SBNO1: variants seen among roughly 807,000 people sequenced by gnomAD.
SBNO1 encodes protein strawberry notch homolog 1.
A neutral mutation model predicts 173.6 loss-of-function variants in SBNO1; 23 were observed. The observed-to-expected ratio is 0.13, with a 90% CI of 0.10 to 0.19. SBNO1 has a LOEUF of 0.19. Ranked by LOEUF, SBNO1 falls within the 10% of genes least tolerant of loss-of-function variation. The probability of loss-of-function intolerance (pLI) is 1.00; values close to 1 mark genes in which losing one functional copy is unlikely to be tolerated. For synonymous variants in SBNO1, 632 were observed against 571.5 expected (o/e 1.11, Z -1.51); for missense variants, 1,238 against 1,671.2 (o/e 0.74, Z 4.52).
intron 7 of SBNO1, among the ~76,000 whole-genome samples, chr12:123,332,552 A>G (rs1871343020): frequency 6.7e-6 from 1 of 149,388 alleles, no homozygotes; most frequent in Non-Finnish European, 1.5e-5. Flanking sequence ...TCAGCCTCCC[A>G]AAGTGCCCGG....
intron 3 of SBNO1, 88 bp downstream of exon 3, chr12:123,347,934 TGAGACTA>T: frequency 1.5e-6 from 1 of 655,822 alleles, no homozygotes; most frequent in Non-Finnish European, 2.7e-6. Context: ...CTCAAAGTGC[TGAGACTA>T]CAGGTGCGAA....
At chr12:123,307,309 G>T (rs1437583599) in intron 28 of SBNO1, among the ~76,000 whole-genome samples, 1 of 151,978 alleles carries the variant, frequency 6.6e-6, no homozygotes, top group African/African-American at 2.4e-5. Context: ...ATCTAGCTTG[G>T]CACTCCTAAA....
Position 123,364,158 on chromosome 12 carries a change from G to C in SBNO1, c.-1+543C>G, listed in dbSNP as rs1044574546. On this transcript the variant is annotated intron_variant, in intron 1 of 31. Transcript: ENST00000602398. ...CCCCGCGGCTTCCCCACCGCCCCAAGAGCGGGGCATGTACGAGACCGCGCT... is the reference window on the plus strand; with the variant it reads ...CCCCGCGGCTTCCCCACCGCCCCAACAGCGGGGCATGTACGAGACCGCGCT... 29 of 985,440 alleles carry C rather than the reference G, an allele frequency of 2.9e-5. No individual in the cohort carries two copies. The Admixed American group carries it at 1.5e-3, about 52-fold the overall frequency. 61.0% of individuals were successfully genotyped at this position (985,440 alleles called of 1,614,324 possible). A position where few individuals can be genotyped will look rare whatever the true frequency, so the allele number is the denominator to read the frequency against.
intron 15 of SBNO1, among the ~76,000 whole-genome samples, chr12:123,324,582 A>G (rs903470012): frequency 6.6e-6 from 1 of 152,046 alleles, no homozygotes; most frequent in African/African-American, 2.4e-5. Context: ...TCAGCCTCCC[A>G]AAGTGCCTGG....
intron 28 of SBNO1, among the ~76,000 whole-genome samples, chr12:123,307,416 C>A (rs926889473): frequency 2.6e-5 from 4 of 152,150 alleles, no homozygotes; most frequent in Non-Finnish European, 5.9e-5. Flanking sequence ...CCACATATGG[C>A]CTACAAAACC....
At chr12:123,303,711 C>T (rs1162654784) in intron 29 of SBNO1, among the ~76,000 whole-genome samples, 1 of 151,752 alleles carries the variant, frequency 6.6e-6, no homozygotes, top group Non-Finnish European at 1.5e-5. Context: ...TTCCTTAAAC[C>T]AGGCTGGGTG....
intron 1 of SBNO1, among the ~76,000 whole-genome samples, chr12:123,357,391 G>A (rs1485252047): frequency 6.6e-6 from 1 of 151,590 alleles, no homozygotes; most frequent in South Asian, 2.1e-4. Context: ...GAAGGTTGCA[G>A]TGAGCCGAGA....
chr12:123,341,003 ACTC>A lies in SBNO1; in HGVS notation c.633_635del (p.Arg211del), dbSNP rs771991294. 18 of 1,589,464 alleles carry A rather than the reference ACTC, an allele frequency of 1.1e-5. No individual in the cohort carries two copies. Among genetic ancestry groups the A allele is most frequent in the South Asian group, 4.5e-5 (4 of 89,326 alleles). ...TGAAACTCACCATGGTTGGGGAAAA[ACTC>A]CTCATCTTCATGTCGTTTATCCACA... On this transcript the variant is annotated inframe_deletion, in exon 5 of 32. Coordinates refer to ENST00000602398, the MANE Select transcript of SBNO1 (RefSeq NM_001167856.3).
chr12:123,303,925 T>C (rs1277219597), intron 29 of SBNO1, among the ~76,000 whole-genome samples: 3 of 116,256 alleles, frequency 2.6e-5, no homozygotes, highest in Non-Finnish European at 5.6e-5. Context: ...AAGTATTCTT[T>C]TTTTTTTTTT....
At chr12:123,304,827 G>C in intron 28 of SBNO1, 108 bp from the exon 29 acceptor site, 1 of 755,724 alleles carries the variant, frequency 1.3e-6, no homozygotes, top group Non-Finnish European at 2.2e-6. Context: ...ATAACACTAA[G>C]TAAGTACACG....
chr12:123,341,624 C>T (rs1439446011), intron 4 of SBNO1, among the ~76,000 whole-genome samples: 1 of 151,986 alleles, frequency 6.6e-6, no homozygotes, highest in Non-Finnish European at 1.5e-5. Flanking sequence ...CGAGTTCAAG[C>T]GATTCTCCTG....
At position 123,334,273 on chromosome 12, in the gene SBNO1, T is replaced by A; in HGVS notation, c.749-60A>T. The stretch of plus-strand genomic sequence containing the variant: ...ATTCTAAGTAATAACATTTCCAGTT[T>A]CATTATAAGATATTTCAATGTTTTT... On this transcript the variant is annotated intron_variant, in intron 6 of 31. Transcript: ENST00000602398. 4 of 971,838 alleles carry A rather than the reference T, an allele frequency of 4.1e-6. No homozygotes were observed. The South Asian group carries it at 6.9e-5, about 17-fold the overall frequency. 60.2% of individuals were successfully genotyped at this position (971,838 alleles called of 1,614,324 possible).
chr12:123,289,939 G>C lies in SBNO1; in HGVS notation c.*5969C>G, dbSNP rs2048486650. On this transcript the variant is annotated 3_prime_UTR_variant, in exon 32 of 32. Coordinates refer to ENST00000602398, the MANE Select transcript of SBNO1 (RefSeq NM_001167856.3). ...GCCCAGGCACAAATGGGCCACAAGG[G>C]CAGGGTACTGGTTAGGGGCCCGCAG... 1 of 152,304 alleles carries C rather than the reference G, an allele frequency of 6.6e-6. No homozygotes were observed. Among genetic ancestry groups the C allele is most frequent in the Non-Finnish European group, 1.5e-5 (1 of 68,088 alleles). The allele number at this position is 152,304 out of a possible 1,614,324, so 9.4% of individuals were successfully genotyped here.
At chr12:123,337,747 T>C (rs1057277619) in intron 5 of SBNO1, among the ~76,000 whole-genome samples, 3 of 152,218 alleles carry the variant, frequency 2.0e-5, no homozygotes, top group African/African-American at 7.2e-5. Context: ...TAGTCTGTTT[T>C]TTAATTTAGG....
At position 123,297,753 on chromosome 12, in the gene SBNO1, G is replaced by A. The variant is rs1341326837; in HGVS notation, c.4039+225C>T. Among the ~76,000 whole-genome samples, 4 of 152,092 alleles carry A rather than the reference G, an allele frequency of 2.6e-5. No homozygotes were observed. The East Asian group carries it at 5.8e-4, about 22-fold the overall frequency. On this transcript the variant is annotated intron_variant, in intron 31 of 31. Transcript: ENST00000602398. ...AGAAGGAGAGCAAGAGCAGCTGAGAGCAGCATCAAAGAGATGACCACATCA... is the reference window on the plus strand; with the variant it reads ...AGAAGGAGAGCAAGAGCAGCTGAGAACAGCATCAAAGAGATGACCACATCA...
At chr12:123,357,120 A>C (rs1874551786) in intron 1 of SBNO1, among the ~76,000 whole-genome samples, 1 of 152,180 alleles carries the variant, frequency 6.6e-6, no homozygotes, top group Non-Finnish European at 1.5e-5. Context: ...AGTTACAAAG[A>C]AGTTAGTTTA....
chr12:123,364,542 G>A, intron 1 of SBNO1, 159 bp downstream of exon 1: 2 of 983,714 alleles, frequency 2.0e-6, no homozygotes, highest in South Asian at 9.4e-5. Context: ...GCCCCGGAGC[G>A]CGCGGCCGCG....
chr12:123,313,956 C>CT (rs1445786902), intron 23 of SBNO1, among the ~76,000 whole-genome samples: 2 of 151,754 alleles, frequency 1.3e-5, no homozygotes, highest in Non-Finnish European at 2.9e-5. Flanking sequence ...TGGTGGCAGA[C>CT]ACCTGTAATC....
rs56718635 is a variant in SBNO1, at chr12:123,311,720, CTATATATA to C, written c.3221-599_3221-592del. Among the ~76,000 whole-genome samples, 853 of 127,432 alleles carry C rather than the reference CTATATATA, an allele frequency of 6.7e-3. 8 individuals are homozygous for C. The highest frequency in any genetic ancestry group is 0.039 in the South Asian group (158 of 4,102). The allele number at this position is 127,432 out of a possible 152,430, so 83.6% of individuals were successfully genotyped here. A position where few individuals can be genotyped will look rare whatever the true frequency, so the allele number is the denominator to read the frequency against. ...TCTATCTATCTATCTATCTATCTAT[CTATATATA>C]TATATATATATATATATATATTTTT... On this transcript the variant is annotated intron_variant, in intron 24 of 31. Coordinates refer to ENST00000602398, the MANE Select transcript of SBNO1 (RefSeq NM_001167856.3).
Sources: allele counts gnomAD v4.1 joint callset (sites outside exome capture counted in the v4.1 genomes callset), GRCh38; gene constraint gnomAD v4.1.1; transcripts MANE v1.5; gene names NCBI Gene and HGNC (gene_info 2026-07-23, HGNC 2026-07-21).